The following ATP6V1H variants were observed in gnomAD, a reference collection of about 807,000 sequenced individuals.
ATP6V1H encodes the protein ATPase H+ transporting V1 subunit H, also known as V-type proton ATPase subunit H.
ATP6V1H carries 39 observed loss-of-function variants against 71.7 expected under a neutral mutation model. The observed-to-expected ratio is 0.54, with a 90% confidence interval of 0.42 to 0.71. The LOEUF (loss-of-function observed/expected upper bound fraction) is 0.71. Among genes scored for constraint, ATP6V1H ranks in the 30% least tolerant of loss-of-function variants. ATP6V1H has a pLI of 0.00. For synonymous variants in ATP6V1H, 192 were observed against 199.3 expected (o/e 0.96, Z 0.31); for missense variants, 509 against 594.9 (o/e 0.86, Z 1.50).
chr8:53,724,845 C>A (rs1205058275), intron 13 of ATP6V1H, among the ~76,000 whole-genome samples: 3 of 149,992 alleles, frequency 2.0e-5, no homozygotes. Context: ...TGAGACATAA[C>A]CTTGTCTGCA....
At chr8:53,753,361 A>G (rs1262202684) in intron 12 of ATP6V1H, among the ~76,000 whole-genome samples, 1 of 152,244 alleles carries the variant, frequency 6.6e-6, no homozygotes, top group Non-Finnish European at 1.5e-5. Flanking sequence ...GGTGATAGGA[A>G]GTCAAATGAA....
At chr8:53,797,347 T>C (rs1444633947) in intron 8 of ATP6V1H, among the ~76,000 whole-genome samples, 1 of 152,194 alleles carries the variant, frequency 6.6e-6, no homozygotes, top group Non-Finnish European at 1.5e-5. Context: ...AGCAGTTCTT[T>C]CCCACAGCAG....
intron 9 of ATP6V1H, among the ~76,000 whole-genome samples, chr8:53,787,419 G>T (rs1276372099): frequency 6.6e-6 from 1 of 152,200 alleles, no homozygotes; most frequent in Admixed American, 6.5e-5. Flanking sequence ...AGTATGAACT[G>T]CCTGCATGGA....
intron 9 of ATP6V1H, among the ~76,000 whole-genome samples, chr8:53,783,249 C>T (rs1222877452): frequency 2.0e-5 from 3 of 152,144 alleles, no homozygotes; most frequent in African/African-American, 7.2e-5. Context: ...AGAGATTCAA[C>T]TTCTTCCTGG....
At chr8:53,772,903 C>CAAAAAAAA (rs201949406) in intron 9 of ATP6V1H, among the ~76,000 whole-genome samples, 21 of 59,358 alleles carry the variant, frequency 3.5e-4, no homozygotes, top group Middle Eastern at 8.6e-3. Context: ...CTATCAAATG[C>CAAAAAAAA]AAAAAAAAAA....
At chr8:53,818,191 A>G (rs760274548) in intron 4 of ATP6V1H, among the ~76,000 whole-genome samples, 4 of 152,168 alleles carry the variant, frequency 2.6e-5, no homozygotes, top group Non-Finnish European at 4.4e-5. Context: ...AAACAGCAAT[A>G]CTTTTTTAAA....
chr8:53,778,219 T>TGGACC (rs1213899291), intron 9 of ATP6V1H, among the ~76,000 whole-genome samples: 7 of 152,212 alleles, frequency 4.6e-5, no homozygotes, highest in African/African-American at 2.4e-5. Flanking sequence ...ATATAACAGA[T>TGGACC]GGACCTATTT....
chr8:53,788,644 AC>A (rs1372900649), intron 9 of ATP6V1H, among the ~76,000 whole-genome samples: 1 of 152,160 alleles, frequency 6.6e-6, no homozygotes, highest in East Asian at 1.9e-4. Context: ...AGTACCATCT[AC>A]CACCTTTCAC....
intron 13 of ATP6V1H, among the ~76,000 whole-genome samples, chr8:53,737,048 T>C (rs1807236909): frequency 6.6e-6 from 1 of 152,254 alleles, no homozygotes; most frequent in African/African-American, 2.4e-5. Context: ...GCTTGCTCAA[T>C]TGATCACAAT....
chr8:53,795,878 C>T, intron 8 of ATP6V1H, 39 bp from the exon 9 acceptor site: 1 of 1,546,330 alleles, frequency 6.5e-7, no homozygotes, highest in South Asian at 1.2e-5. Context: ...ATTTACAAAA[C>T]ATTTAGAAAG....
At chr8:53,743,323 G>A (rs545173107) in intron 13 of ATP6V1H, among the ~76,000 whole-genome samples, 12 of 152,264 alleles carry the variant, frequency 7.9e-5, no homozygotes, top group Admixed American at 3.3e-4. Context: ...ATGTCACAGG[G>A]TCCTTTTAGT....
intron 13 of ATP6V1H, among the ~76,000 whole-genome samples, chr8:53,739,366 T>C (rs1003719704): frequency 6.6e-6 from 1 of 152,172 alleles, no homozygotes; most frequent in African/African-American, 2.4e-5. Context: ...GCAAAGCAGA[T>C]AGAAACACCA....
chr8:53,842,251 C>T (rs1811364805), intron 1 of ATP6V1H, among the ~76,000 whole-genome samples: 1 of 152,184 alleles, frequency 6.6e-6, no homozygotes, highest in South Asian at 2.1e-4. Context: ...CTTTCCTTTT[C>T]AAACAAAATT....
At chr8:53,839,442 T>C (rs1487142691) in intron 2 of ATP6V1H, among the ~76,000 whole-genome samples, 1 of 152,132 alleles carries the variant, frequency 6.6e-6, no homozygotes, top group Non-Finnish European at 1.5e-5. Context: ...CTTCAGTCAG[T>C]GGCCCCACAA....
intron 13 of ATP6V1H, 69 bp downstream of exon 13, chr8:53,743,508 G>T: frequency 1.8e-6 from 2 of 1,090,710 alleles, no homozygotes; most frequent in South Asian, 1.3e-5. Flanking sequence ...ATTTGCATAA[G>T]AACTTTTAGA....
At chr8:53,811,511 C>T (rs1026909924) in intron 6 of ATP6V1H, among the ~76,000 whole-genome samples, 1 of 152,120 alleles carries the variant, frequency 6.6e-6, no homozygotes, top group Non-Finnish European at 1.5e-5. Flanking sequence ...TGCAAATTTC[C>T]AAGTCTTAAG....
intron 11 of ATP6V1H, among the ~76,000 whole-genome samples, chr8:53,765,326 G>C (rs1022371090): frequency 2.6e-5 from 4 of 151,378 alleles, no homozygotes; most frequent in South Asian, 2.1e-4. Context: ...CTTGCACCCG[G>C]GAGGCGGAGG....
At chr8:53,718,774 T>C (rs1181666179) in intron 13 of ATP6V1H, among the ~76,000 whole-genome samples, 1 of 152,092 alleles carries the variant, frequency 6.6e-6, no homozygotes, top group Non-Finnish European at 1.5e-5. Context: ...CATAGAAAAA[T>C]CAGCACCTCC....
intron 8 of ATP6V1H, among the ~76,000 whole-genome samples, chr8:53,796,494 G>T (rs966955287): frequency 2.7e-5 from 4 of 149,712 alleles, no homozygotes; most frequent in African/African-American, 7.5e-5. Context: ...TCAAAGAATA[G>T]AGTTCAGAAA....
Sources: gnomAD v4.1 joint callset for allele counts (sites outside exome capture counted in the v4.1 genomes callset) on GRCh38, gnomAD v4.1.1 for gene constraint, MANE v1.5 for transcripts, NCBI Gene and HGNC (gene_info 2026-07-23, HGNC 2026-07-21) for gene names.